The following DAAM2 variants were observed in gnomAD, a reference collection of about 807,000 sequenced individuals.
The protein encoded by DAAM2 is disheveled-associated activator of morphogenesis 2.
In DAAM2, 39 loss-of-function variants were observed where a neutral mutation model predicts 120.7. That is an observed-to-expected ratio of 0.32 (90% confidence interval 0.25 to 0.42). The LOEUF is 0.42. Ranked by LOEUF, DAAM2 falls within the 10% of genes least tolerant of loss-of-function variation. DAAM2 has a pLI of 1.00. For synonymous variants in DAAM2, 488 were observed against 524.9 expected (o/e 0.93, Z 0.96); for missense variants, 1,283 against 1,401.7 (o/e 0.92, Z 1.35).
At chr6:39,792,730 TGGACATA>T (rs1230482001) in intron 1 of DAAM2, among the ~76,000 whole-genome samples, 1 of 152,240 alleles carries the variant, frequency 6.6e-6, no homozygotes, top group East Asian at 1.9e-4. Context: ...CTGGCACATC[TGGACATA>T]GGAAATGTCT....
intron 1 of DAAM2, among the ~76,000 whole-genome samples, chr6:39,840,849 C>T (rs1353070641): frequency 4.6e-5 from 7 of 151,988 alleles, no homozygotes; most frequent in African/African-American, 1.7e-4. Flanking sequence ...ATTCAGGAAA[C>T]AATAGATCTG....
chr6:39,883,089 T>C lies in DAAM2; in HGVS notation c.1846-873T>C, dbSNP rs143939853. Among the ~76,000 whole-genome samples, 1,040 of 151,438 alleles carry C rather than the reference T, an allele frequency of 6.9e-3. 19 individuals carry two copies. The highest frequency in any genetic ancestry group is 0.023 in the African/African-American group (968 of 41,220). On this transcript the variant is annotated intron_variant, in intron 14 of 24. Transcript: ENST00000274867. ...AAGGACAGCAAAGCTCTAGATGAGG[T>C]GGGGATTCCTGAGAGGGGAGGGTTG... is the stretch of plus-strand genomic sequence containing the variant.
At chr6:39,879,508 A>G (rs1404667306) in intron 14 of DAAM2, 31 bp downstream of exon 14, 21 of 1,613,692 alleles carry the variant, frequency 1.3e-5, no homozygotes, top group Non-Finnish European at 1.6e-5. Context: ...TGGAGGGCCC[A>G]TTCTTCTACA....
chr6:39,870,832 CA>C (rs1764631881), intron 8 of DAAM2, among the ~76,000 whole-genome samples: 1 of 152,182 alleles, frequency 6.6e-6, no homozygotes, highest in South Asian at 2.1e-4. Flanking sequence ...ATGTCCCACC[CA>C]AAATGCTTGC....
chr6:39,816,373 G>A (rs1205691447), intron 1 of DAAM2, among the ~76,000 whole-genome samples: 3 of 152,182 alleles, frequency 2.0e-5, no homozygotes, highest in Non-Finnish European at 4.4e-5. Flanking sequence ...ACAGCCACAG[G>A]TTCTCAATCT....
intron 4 of DAAM2, 80 bp downstream of exon 4, chr6:39,864,587 C>G (rs2504094): frequency 0.63 from 722,945 of 1,147,966 alleles, 232,873 homozygotes; most frequent in African/African-American, 0.86. Context: ...CCCCACCCCC[C>G]ACACACCAAA....
At chr6:39,821,040 C>T (rs2114130335) in intron 1 of DAAM2, 1 of 152,404 alleles carries the variant, frequency 6.6e-6, no homozygotes, top group Admixed American at 6.5e-5. Context: ...CAGGATGAGG[C>T]TAGTGCCGAG....
At chr6:39,837,663 CAAAAAA>C (rs758751293) in intron 1 of DAAM2, among the ~76,000 whole-genome samples, 8 of 41,200 alleles carry the variant, frequency 1.9e-4, no homozygotes, top group East Asian at 8.3e-4. Context: ...AACTCCATCT[CAAAAAA>C]AAAAAAAAAA....
At position 39,904,450 on chromosome 6, in the gene DAAM2, T is replaced by C. The variant is rs1314973601; in HGVS notation, c.*2413T>C. The C allele has an allele frequency of 2.2e-6, 1 of 454,712 alleles. No homozygotes were observed. Among genetic ancestry groups the C allele is most frequent in the South Asian group, 1.6e-5 (1 of 64,476 alleles). The allele number at this position is 454,712 out of a possible 1,614,324, so 28.2% of individuals were successfully genotyped here. A position where few individuals can be genotyped will look rare whatever the true frequency, so the allele number is the denominator to read the frequency against. On this transcript the variant is annotated 3_prime_UTR_variant, in exon 25 of 25. Coordinates refer to ENST00000274867, the MANE Select transcript of DAAM2 (RefSeq NM_001201427.2). ...AATAGGTTGTTTCTTGGTCTTGCTT[T>C]CTTCATGCCCTCCCCACTGCTCCTG...
At chr6:39,856,558 TG>T in intron 2 of DAAM2, 88 bp downstream of exon 2, 1 of 1,093,568 alleles carries the variant, frequency 9.1e-7, no homozygotes, top group Non-Finnish European at 1.2e-6. Flanking sequence ...GCCCCTGTGC[TG>T]GGGTCTCCAT....
At chr6:39,811,503 G>A (rs1468091696) in intron 1 of DAAM2, among the ~76,000 whole-genome samples, 1 of 152,004 alleles carries the variant, frequency 6.6e-6, no homozygotes, top group African/African-American at 2.4e-5. Flanking sequence ...AGAGCTCGTG[G>A]GCAACACCAA....
intron 17 of DAAM2, 27 bp from the exon 18 acceptor site, chr6:39,891,314 T>C: frequency 6.5e-7 from 1 of 1,545,470 alleles, no homozygotes; most frequent in Non-Finnish European, 8.8e-7. Flanking sequence ...ACCAGTTGCT[T>C]GTGTGACTTG....
chr6:39,856,059 G>T, intron 1 of DAAM2, 188 bp from the exon 2 acceptor site: 1 of 985,062 alleles, frequency 1.0e-6, no homozygotes, highest in Non-Finnish European at 1.2e-6. Flanking sequence ...ATGCCTCCAG[G>T]TGGGAAGAGC....
chr6:39,826,213 T>G lies in DAAM2; in HGVS notation c.-56-30034T>G, dbSNP rs879312351. Among the ~76,000 whole-genome samples, 4 of 152,188 alleles carry G rather than the reference T, an allele frequency of 2.6e-5. No individual in the cohort carries two copies. The South Asian group carries it at 6.2e-4, about 24-fold the overall frequency. On this transcript the variant is annotated intron_variant, in intron 1 of 24. Coordinates refer to ENST00000274867, the MANE Select transcript of DAAM2 (RefSeq NM_001201427.2). The stretch of plus-strand genomic sequence containing the variant: ...CTGGGGAAGAAGCGATTGTGCGGCC[T>G]GCTCCTGGTCTCTGGTATAACTAGT...
At chr6:39,837,537 C>T (rs972284619) in intron 1 of DAAM2, among the ~76,000 whole-genome samples, 3 of 151,898 alleles carry the variant, frequency 2.0e-5, no homozygotes, top group Admixed American at 2.0e-4. Flanking sequence ...GTGGCATGCG[C>T]CTGTAATCCC....
At position 39,816,775 on chromosome 6, in the gene DAAM2, T is replaced by C. The variant is rs139271447; in HGVS notation, c.-57+24310T>C. 3.1e-3 allele frequency among the ~76,000 whole-genome samples: 470 copies of C among 152,338 alleles called. 2 individuals carry two copies. Among genetic ancestry groups the C allele is most frequent in the African/African-American group, 9.9e-3 (413 of 41,572 alleles). ...ATCAACACTTTGTGACTGCTTTTTC[T>C]CAAAGGCTCCACACTTAACCCATCT... On this transcript the variant is annotated intron_variant, in intron 1 of 24. Transcript: ENST00000274867.
intron 9 of DAAM2, among the ~76,000 whole-genome samples, chr6:39,872,234 C>G (rs563134181): frequency 6.6e-6 from 1 of 152,156 alleles, no homozygotes; most frequent in African/African-American, 2.4e-5. Flanking sequence ...AACACCCTCA[C>G]AGACATACCC....
intron 11 of DAAM2, among the ~76,000 whole-genome samples, chr6:39,877,209 A>G (rs996589710): frequency 4.6e-5 from 7 of 152,172 alleles, no homozygotes; most frequent in African/African-American, 1.7e-4. Context: ...CAGTTCCTCC[A>G]TGAGGCTTAT....
intron 5 of DAAM2, chr6:39,867,239 A>G: frequency 4.5e-6 from 2 of 444,080 alleles, no homozygotes; most frequent in Non-Finnish European, 4.2e-6. Flanking sequence ...GATAATTATC[A>G]TGATCATGTG....
Sources: gnomAD v4.1 joint callset for allele counts (sites outside exome capture counted in the v4.1 genomes callset) on GRCh38, gnomAD v4.1.1 for gene constraint, MANE v1.5 for transcripts, NCBI Gene and HGNC (gene_info 2026-07-23, HGNC 2026-07-21) for gene names.